WWOX: variants seen among roughly 807,000 people sequenced by gnomAD.
WWOX encodes the protein WW domain containing oxidoreductase.
WWOX carries 69 observed loss-of-function variants against 46.2 expected under a neutral mutation model. The observed-to-expected ratio is 1.49, with a 90% confidence interval of 1.23 to 1.82. WWOX has a LOEUF of 1.82. Ranked by LOEUF, WWOX falls within the 40% of genes most tolerant of loss-of-function variation. The probability of loss-of-function intolerance (pLI) is 0.00; values close to 1 mark genes in which losing one functional copy is unlikely to be tolerated. For missense variants in WWOX, 919 were observed against 542.6 expected (o/e 1.69, Z -6.89); for synonymous variants, 359 against 202.6 (o/e 1.77, Z -6.56).
chr16:78,577,314 A>G (rs1467422253), intron 8 of WWOX, among the ~76,000 whole-genome samples: 1 of 152,192 alleles, frequency 6.6e-6, no homozygotes, highest in African/African-American at 2.4e-5. Context: ...GGTGCAGGGC[A>G]AATATATGTT....
At chr16:78,299,030 A>G (rs2079993508) in intron 5 of WWOX, among the ~76,000 whole-genome samples, 1 of 152,158 alleles carries the variant, frequency 6.6e-6, no homozygotes, top group Admixed American at 6.5e-5. Flanking sequence ...TGCAGCCAGC[A>G]TTCTGGTTTC....
intron 8 of WWOX, among the ~76,000 whole-genome samples, chr16:78,789,215 G>T (rs1023595373): frequency 2.0e-5 from 3 of 152,052 alleles, no homozygotes; most frequent in Non-Finnish European, 4.4e-5. Flanking sequence ...GGGAAACATG[G>T]TTTCAGAAAA....
chr16:78,686,919 A>G (rs867122288), intron 8 of WWOX, among the ~76,000 whole-genome samples: 2 of 152,332 alleles, frequency 1.3e-5, no homozygotes, highest in South Asian at 2.1e-4. Flanking sequence ...ACATAGTAAT[A>G]AACAGTTTCC....
At chr16:78,680,003 A>G (rs116868438) in intron 8 of WWOX, among the ~76,000 whole-genome samples, 4,067 of 152,310 alleles carry the variant, frequency 0.027, 113 homozygotes, top group Non-Finnish European at 0.029. Flanking sequence ...AACTGACTCC[A>G]TGCGCTCCTA....
intron 8 of WWOX, among the ~76,000 whole-genome samples, chr16:78,638,305 G>C (rs1555508176): frequency 6.6e-6 from 1 of 152,178 alleles, no homozygotes; most frequent in Non-Finnish European, 1.5e-5. Flanking sequence ...CCAAGACATA[G>C]GCCCAGGAGT....
chr16:78,928,349 C>A (rs931778499), intron 8 of WWOX, among the ~76,000 whole-genome samples: 23 of 151,528 alleles, frequency 1.5e-4, no homozygotes, highest in African/African-American at 2.9e-4. Flanking sequence ...ACTACAGGCG[C>A]CCGCTACCAC....
At chr16:78,106,421 G>GTTTTTT (rs34551316) in intron 1 of WWOX, among the ~76,000 whole-genome samples, 5 of 122,972 alleles carry the variant, frequency 4.1e-5, no homozygotes, top group African/African-American at 3.0e-5. Flanking sequence ...GTTTTTTTTT[G>GTTTTTT]TTTTTTTTTT....
chr16:78,317,158 C>T (rs2080372149), intron 5 of WWOX, among the ~76,000 whole-genome samples: 1 of 152,080 alleles, frequency 6.6e-6, no homozygotes, highest in South Asian at 2.1e-4. Flanking sequence ...GGGAAGGCTT[C>T]TGGAAAGAAG....
chr16:78,686,336 C>T (rs1188495368), intron 8 of WWOX, among the ~76,000 whole-genome samples: 1 of 151,964 alleles, frequency 6.6e-6, no homozygotes, highest in Admixed American at 6.6e-5. Context: ...TCGGTGAAAC[C>T]CCGCCTCTAC....
chr16:78,964,347 T>C (rs991094767), intron 8 of WWOX, among the ~76,000 whole-genome samples: 1 of 152,162 alleles, frequency 6.6e-6, no homozygotes, highest in Non-Finnish European at 1.5e-5. Context: ...TGGTCTCAGA[T>C]GGAGATGAGG....
chr16:78,900,910 C>A (rs1334819308), intron 8 of WWOX, among the ~76,000 whole-genome samples: 4 of 151,674 alleles, frequency 2.6e-5, no homozygotes, highest in African/African-American at 4.8e-5. Context: ...CAGATTCATC[C>A]CATATTCTCT....
intron 8 of WWOX, among the ~76,000 whole-genome samples, chr16:78,633,767 A>T (rs1182631070): frequency 6.6e-6 from 1 of 151,628 alleles, no homozygotes; most frequent in Non-Finnish European, 1.5e-5. Context: ...CATCAAGAGG[A>T]CTCCAGGCTG....
chr16:78,102,546 C>T (rs1375345156), intron 1 of WWOX, among the ~76,000 whole-genome samples: 2 of 152,202 alleles, frequency 1.3e-5, no homozygotes, highest in African/African-American at 2.4e-5. Flanking sequence ...AGCTCCTGAG[C>T]GGGCACTTGC....
At chr16:78,872,013 T>G (rs2044139690) in intron 8 of WWOX, among the ~76,000 whole-genome samples, 1 of 152,228 alleles carries the variant, frequency 6.6e-6, no homozygotes, top group Non-Finnish European at 1.5e-5. Flanking sequence ...AAGGGCCAAC[T>G]GGAGAGAAAT....
chr16:78,708,498 A>G (rs1349561972), intron 8 of WWOX, among the ~76,000 whole-genome samples: 1 of 152,150 alleles, frequency 6.6e-6, no homozygotes, highest in Non-Finnish European at 1.5e-5. Flanking sequence ...ACTCTGTATC[A>G]AGCGTTTACC....
At chr16:79,181,066 A>T (rs1000147232) in intron 8 of WWOX, among the ~76,000 whole-genome samples, 1 of 152,190 alleles carries the variant, frequency 6.6e-6, no homozygotes, top group African/African-American at 2.4e-5. Flanking sequence ...ATGAATATAT[A>T]AGAAGAAAAC....
chr16:78,651,282 G>T (rs1030824512), intron 8 of WWOX, among the ~76,000 whole-genome samples: 1 of 152,256 alleles, frequency 6.6e-6, no homozygotes. Flanking sequence ...GCGAGTGAGT[G>T]CGAGCGAGAG....
intron 8 of WWOX, among the ~76,000 whole-genome samples, chr16:78,737,563 G>A (rs1358362250): frequency 1.3e-5 from 2 of 152,146 alleles, no homozygotes; most frequent in African/African-American, 4.8e-5. Flanking sequence ...TAGCCAATAT[G>A]TAGTCTTTTA....
chr16:79,190,432 G>A (rs984867332), intron 8 of WWOX, among the ~76,000 whole-genome samples: 1 of 152,088 alleles, frequency 6.6e-6, no homozygotes, highest in Non-Finnish European at 1.5e-5. Flanking sequence ...CTGGACTTTG[G>A]AATATTCGTA....
Sources: allele counts gnomAD v4.1 joint callset (sites outside exome capture counted in the v4.1 genomes callset), GRCh38; gene constraint gnomAD v4.1.1; transcripts MANE v1.5; gene names NCBI Gene and HGNC (gene_info 2026-07-23, HGNC 2026-07-21).